The following TBC1D22A variants were observed in gnomAD, a reference collection of about 807,000 sequenced individuals.
The protein encoded by TBC1D22A is putative GTPase activator.
Under a neutral mutation model 60.2 loss-of-function variants are expected in TBC1D22A, and 38 were observed. The ratio of observed to expected loss-of-function variants is 0.63; its 90% CI spans 0.49 to 0.83. TBC1D22A has a LOEUF of 0.83. TBC1D22A is among the 40% of genes least tolerant of loss of function. TBC1D22A has a pLI of 0.00. For synonymous variants in TBC1D22A, 302 were observed against 281.7 expected (o/e 1.07, Z -0.72); for missense variants, 628 against 701.0 (o/e 0.90, Z 1.18).
intron 12 of TBC1D22A, among the ~76,000 whole-genome samples, chr22:47,145,332 G>A (rs1019330564): frequency 6.6e-6 from 1 of 152,200 alleles, no homozygotes; most frequent in Non-Finnish European, 1.5e-5. Flanking sequence ...GCTGGTGTTG[G>A]AGGGAGTCGA....
At chr22:46,885,876 C>T (rs1016784024) in intron 5 of TBC1D22A, among the ~76,000 whole-genome samples, 1 of 151,530 alleles carries the variant, frequency 6.6e-6, no homozygotes, top group South Asian at 2.1e-4. Flanking sequence ...TGTGCACACT[C>T]GGGGCTGGTT....
intron 8 of TBC1D22A, among the ~76,000 whole-genome samples, chr22:46,912,659 T>C (rs58499997): frequency 0.097 from 14,707 of 152,166 alleles, 1,434 homozygotes; most frequent in African/African-American, 0.25. Context: ...CGGGTTCAAG[T>C]GATTCTCCTG....
chr22:46,813,991 C>T (rs76108687), intron 4 of TBC1D22A, among the ~76,000 whole-genome samples: 11,240 of 152,344 alleles, frequency 0.074, 583 homozygotes, highest in Non-Finnish European at 0.11. Flanking sequence ...GCCTTGGTGG[C>T]GACCAGAAAG....
chr22:47,087,024 T>A (rs2064723785), intron 11 of TBC1D22A, among the ~76,000 whole-genome samples: 1 of 152,228 alleles, frequency 6.6e-6, no homozygotes, highest in African/African-American at 2.4e-5. Context: ...CTGAAAGGAA[T>A]GTGGGTGCTC....
intron 4 of TBC1D22A, among the ~76,000 whole-genome samples, chr22:46,878,041 A>G (rs2067647707): frequency 1.3e-5 from 2 of 151,936 alleles, no homozygotes; most frequent in Admixed American, 1.3e-4. Context: ...GTAGGTATTT[A>G]TAAAGCCTCA....
At chr22:46,842,036 A>AAT (rs2086794562) in intron 4 of TBC1D22A, among the ~76,000 whole-genome samples, 1 of 152,252 alleles carries the variant, frequency 6.6e-6, no homozygotes, top group African/African-American at 2.4e-5. Context: ...TATCCCTAAT[A>AAT]ATAACATTCT....
chr22:47,015,297 G>A (rs996656801), intron 10 of TBC1D22A, among the ~76,000 whole-genome samples: 4 of 152,106 alleles, frequency 2.6e-5, no homozygotes, highest in African/African-American at 9.7e-5. Context: ...GACTCCCGAG[G>A]GTCCCTCTGC....
intron 8 of TBC1D22A, among the ~76,000 whole-genome samples, chr22:46,937,473 C>T (rs150526882): frequency 2.7e-4 from 41 of 152,162 alleles, no homozygotes; most frequent in Non-Finnish European, 5.1e-4. Context: ...ACTGCACTGC[C>T]GGTCTGTAAG....
At chr22:47,106,640 A>T (rs2065643429) in intron 11 of TBC1D22A, among the ~76,000 whole-genome samples, 1 of 152,238 alleles carries the variant, frequency 6.6e-6, no homozygotes, top group Admixed American at 6.5e-5. Context: ...TAAAGGTTGA[A>T]TTTAAAGAAG....
At chr22:46,960,904 G>A (rs1442876992) in intron 8 of TBC1D22A, among the ~76,000 whole-genome samples, 1 of 141,366 alleles carries the variant, frequency 7.1e-6, no homozygotes, top group Non-Finnish European at 1.5e-5. Context: ...CCAGTGAGCC[G>A]AGACTGTGCC....
rs141363451 is a variant in TBC1D22A, at chr22:46,990,091, A to G, written c.1126-7543A>G. Reference sequence around the variant, plus strand: ...AGTGCTGGGATTACAGATGTGCGCCACCGCGCCCGGCCGCAAAATGTAAGT... The same window carrying G: ...AGTGCTGGGATTACAGATGTGCGCCGCCGCGCCCGGCCGCAAAATGTAAGT... On this transcript the variant is annotated intron_variant, in intron 9 of 12. Coordinates refer to ENST00000337137, the MANE Select transcript of TBC1D22A (RefSeq NM_014346.5). The surrounding 1 kb of genome is among the most constrained non-coding windows in gnomAD (Gnocchi z 4.6). 0.013 allele frequency among the ~76,000 whole-genome samples: 1,939 copies of G among 152,318 alleles called. 40 individuals carry two copies. The highest frequency in any genetic ancestry group is 0.043 in the African/African-American group (1,789 of 41,568).
At chr22:47,148,474 C>T (rs1289282532) in intron 12 of TBC1D22A, among the ~76,000 whole-genome samples, 1 of 152,082 alleles carries the variant, frequency 6.6e-6, no homozygotes, top group African/African-American at 2.4e-5. Flanking sequence ...GAACAAATGC[C>T]CACTCGGAAT....
chr22:46,775,070 C>T (rs576797123), intron 1 of TBC1D22A, among the ~76,000 whole-genome samples: 29 of 152,322 alleles, frequency 1.9e-4, no homozygotes, highest in African/African-American at 5.3e-4. Context: ...TTATTGCAGT[C>T]GTCTGGATGA....
chr22:46,956,652 C>T (rs892584791), intron 8 of TBC1D22A, among the ~76,000 whole-genome samples: 4 of 152,098 alleles, frequency 2.6e-5, no homozygotes, highest in Admixed American at 1.3e-4. Context: ...GAGTGCGTCT[C>T]GTGTGGTGTG....
chr22:47,053,651 GA>G (rs533399795), intron 11 of TBC1D22A, among the ~76,000 whole-genome samples: 2 of 152,372 alleles, frequency 1.3e-5, no homozygotes, highest in East Asian at 3.9e-4. Flanking sequence ...AGGTTGGTTT[GA>G]GGTAAACTTG....
At chr22:47,091,050 G>C (rs1427951224) in intron 11 of TBC1D22A, among the ~76,000 whole-genome samples, 2 of 144,410 alleles carry the variant, frequency 1.4e-5, no homozygotes, top group East Asian at 2.1e-4. Flanking sequence ...TCTTTGGGGG[G>C]AGTGGCCTCG....
Position 46,768,357 on chromosome 22 carries a change from C to CAT in TBC1D22A, c.62+5509_62+5510insAT, listed in dbSNP as rs2083362417. Among the ~76,000 whole-genome samples the CAT allele has an allele frequency of 9.2e-5, 14 of 151,912 alleles. No individual in the cohort carries two copies. In the South Asian group the frequency reaches 1.7e-3, roughly 18 times the overall value. ...AAAGTTAGCCAGGCGTGGTGGCAGG[C>CAT]GCCTGTAATCCCAGCTGCTTGGGAG... On this transcript the variant is annotated intron_variant, in intron 1 of 12. Coordinates refer to ENST00000337137, the MANE Select transcript of TBC1D22A (RefSeq NM_014346.5).
intron 11 of TBC1D22A, among the ~76,000 whole-genome samples, chr22:47,104,812 A>G (rs1272232794): frequency 3.3e-5 from 5 of 152,038 alleles, no homozygotes; most frequent in Non-Finnish European, 7.4e-5. Context: ...TAACCTGGAC[A>G]TTTCCTTTCT....
chr22:47,174,692 GACC>G lies in TBC1D22A; in HGVS notation c.*1069_*1071del, dbSNP rs2068618627. On this transcript the variant is annotated 3_prime_UTR_variant, in exon 13 of 13. Coordinates refer to ENST00000337137, the MANE Select transcript of TBC1D22A (RefSeq NM_014346.5). ...TCCGCCATGGACCACTCCTGCCCTG[GACC>G]ACTCCTGCCCTGGACCGGTTCTGCC... The G allele has an allele frequency of 6.8e-6, 1 of 146,544 alleles. No individual in the cohort carries two copies. The highest frequency in any genetic ancestry group is 6.9e-5 in the Admixed American group (1 of 14,448). 9.1% of individuals were successfully genotyped at this position (146,544 alleles called of 1,614,324 possible).
Sources: gnomAD v4.1 joint callset for allele counts (sites outside exome capture counted in the v4.1 genomes callset) on GRCh38, gnomAD v4.1.1 for gene constraint, Gnocchi (gnomAD v3.1) non-coding constraint, MANE v1.5 for transcripts, NCBI Gene and HGNC (gene_info 2026-07-23, HGNC 2026-07-21) for gene names.